The following ELAVL4 variants were observed in gnomAD, a reference collection of about 807,000 sequenced individuals.
ELAVL4 encodes the protein ELAV-like protein 4.
A neutral mutation model predicts 35.6 loss-of-function variants in ELAVL4; 1 was observed. The ratio of observed to expected loss-of-function variants is 0.03; its 90% CI spans 0.01 to 0.13. ELAVL4 has a LOEUF of 0.13. ELAVL4 is among the 10% of genes least tolerant of loss of function. The pLI, the probability that ELAVL4 is intolerant of heterozygous loss-of-function variation, is 1.00. For synonymous variants in ELAVL4, 156 were observed against 171.0 expected, an observed-to-expected ratio of 0.91 and a Z score of 0.69; for missense variants, 267 against 464.9, an observed-to-expected ratio of 0.57 and a Z score of 3.91.
At chr1:50,065,508 T>C (rs1336331136) in intron 1 of ELAVL4, among the ~76,000 whole-genome samples, 1 of 152,192 alleles carries the variant, frequency 6.6e-6, no homozygotes. Flanking sequence ...GGAATAATAA[T>C]ATTTACTGCA....
chr1:50,098,645 C>T lies in ELAVL4; in HGVS notation c.19-46312C>T, dbSNP rs575914440. Among the ~76,000 whole-genome samples, 32 of 152,266 alleles carry T rather than the reference C, an allele frequency of 2.1e-4. No individual in the cohort carries two copies. In the South Asian group the frequency reaches 4.2e-3, roughly 20 times the overall value. On this transcript the variant is annotated intron_variant, in intron 1 of 6. Coordinates refer to the ELAVL4 transcript ENST00000448907. ...AGCTGCTGTTGCTAAGGGGTTGCTA[C>T]GGGAAATGAGCTACTCAGCATTAAT...
intron 1 of ELAVL4, among the ~76,000 whole-genome samples, chr1:50,083,232 A>AT (rs1438424510): frequency 2.6e-5 from 4 of 151,628 alleles, no homozygotes; most frequent in Middle Eastern, 3.4e-3. Flanking sequence ...AATATTTTTT[A>AT]TTTTTTTTAT....
chr1:50,174,473 A>G (rs375313866), intron 2 of ELAVL4: 1 of 146,524 alleles, frequency 6.8e-6, no homozygotes, highest in South Asian at 2.1e-4. Context: ...AATGATGTTC[A>G]TCTGTTTTTT....
At chr1:50,152,534 A>G (rs1031452237) in intron 2 of ELAVL4, among the ~76,000 whole-genome samples, 2 of 152,154 alleles carry the variant, frequency 1.3e-5, no homozygotes, top group African/African-American at 4.8e-5. Flanking sequence ...ATTTCCACAC[A>G]TTATCTAAAA....
At chr1:50,117,143 T>C (rs1446263336) in intron 1 of ELAVL4, among the ~76,000 whole-genome samples, 32 of 152,106 alleles carry the variant, frequency 2.1e-4, no homozygotes, top group Admixed American at 2.1e-3. Flanking sequence ...TAGGTGACTT[T>C]GGGGGAGGAT....
intron 2 of ELAVL4, among the ~76,000 whole-genome samples, chr1:50,159,629 G>A (rs890329025): frequency 6.6e-6 from 1 of 151,868 alleles, no homozygotes; most frequent in East Asian, 1.9e-4. Flanking sequence ...AAAAAAATGG[G>A]GGGCTCTTTT....
intron 2 of ELAVL4, among the ~76,000 whole-genome samples, chr1:50,173,232 C>T (rs1679357163): frequency 6.6e-6 from 1 of 152,132 alleles, no homozygotes; most frequent in South Asian, 2.1e-4. Flanking sequence ...ATTATTATAA[C>T]AGAATAAAGA....
chr1:50,160,102 C>T lies in ELAVL4; in HGVS notation c.250+14905C>T, dbSNP rs553453103. The stretch of plus-strand genomic sequence containing the variant: ...ACTGTCAGGGTGACATTCCATTTTC[C>T]ATTGCCTGGAAGAGCTGAGCCATTA... On this transcript the variant is annotated intron_variant, in intron 2 of 6. Coordinates refer to ENST00000371824, the MANE Select transcript of ELAVL4 (RefSeq NM_001144774.3). Among the ~76,000 whole-genome samples the T allele has an allele frequency of 2.6e-4, 40 of 152,278 alleles. No homozygotes were observed. In the South Asian group the frequency reaches 5.0e-3, roughly 19 times the overall value.
chr1:50,192,749 G>A (rs1345198985), intron 3 of ELAVL4, among the ~76,000 whole-genome samples: 1 of 152,172 alleles, frequency 6.6e-6, no homozygotes, highest in Non-Finnish European at 1.5e-5. Context: ...TAGCAGGAAA[G>A]TGCTTTTGTT....
At chr1:50,118,917 T>C (rs929570146) in intron 1 of ELAVL4, among the ~76,000 whole-genome samples, 2 of 146,064 alleles carry the variant, frequency 1.4e-5, no homozygotes, top group African/African-American at 5.2e-5. Flanking sequence ...CCAAATGCCA[T>C]TTTGCAGGTC....
intron 1 of ELAVL4, among the ~76,000 whole-genome samples, chr1:50,071,882 G>A (rs954932972): frequency 3.9e-5 from 6 of 152,116 alleles, no homozygotes; most frequent in African/African-American, 7.2e-5. Flanking sequence ...GAGAACATAC[G>A]TGATAGCAGT....
chr1:50,143,267 T>G (rs1673127634), intron 1 of ELAVL4, among the ~76,000 whole-genome samples: 1 of 152,208 alleles, frequency 6.6e-6, no homozygotes, highest in African/African-American at 2.4e-5. Flanking sequence ...TTATAGTAAA[T>G]GAAAATGCTT....
chr1:50,066,310 C>T (rs1664264794), intron 1 of ELAVL4, among the ~76,000 whole-genome samples: 1 of 152,192 alleles, frequency 6.6e-6, no homozygotes, highest in Admixed American at 6.5e-5. Flanking sequence ...TAGGCACATA[C>T]TTCTTTTGAA....
intron 1 of ELAVL4, among the ~76,000 whole-genome samples, chr1:50,098,374 G>T (rs1226516297): frequency 1.3e-5 from 2 of 152,102 alleles, no homozygotes; most frequent in African/African-American, 2.4e-5. Context: ...AAAATGAAAA[G>T]TTATGTTTGT....
chr1:50,172,164 C>A (rs889614603), intron 2 of ELAVL4, among the ~76,000 whole-genome samples: 2 of 152,102 alleles, frequency 1.3e-5, no homozygotes, highest in Non-Finnish European at 2.9e-5. Context: ...TTCTCTACTG[C>A]AGCCATCAAC....
At chr1:50,060,633 A>C (rs1274545096) in intron 1 of ELAVL4, among the ~76,000 whole-genome samples, 1 of 152,158 alleles carries the variant, frequency 6.6e-6, no homozygotes, top group Non-Finnish European at 1.5e-5. Context: ...CTCTGTTCTA[A>C]CTACTGCACT....
chr1:50,130,460 G>A (rs1367648581), intron 1 of ELAVL4, among the ~76,000 whole-genome samples: 1 of 152,120 alleles, frequency 6.6e-6, no homozygotes, highest in Non-Finnish European at 1.5e-5. Context: ...TAAGTGAAGT[G>A]ATGTATGTAA....
chr1:50,155,077 G>T (rs1298915043), intron 2 of ELAVL4, among the ~76,000 whole-genome samples: 1 of 151,296 alleles, frequency 6.6e-6, no homozygotes, highest in Non-Finnish European at 1.5e-5. Context: ...CAATATGCAG[G>T]TTAGTTACAT....
At position 50,098,864 on chromosome 1, in the gene ELAVL4, G is replaced by A. The variant is rs1370213490; in HGVS notation, c.19-46093G>A. ...GAAGCATCCTTTCTGGGCATAAGAGGGTTGAAAACTAGACTACCAAGTAGG... is the reference window on the plus strand; with the variant it reads ...GAAGCATCCTTTCTGGGCATAAGAGAGTTGAAAACTAGACTACCAAGTAGG... On this transcript the variant is annotated intron_variant, in intron 1 of 6. Coordinates refer to the ELAVL4 transcript ENST00000448907. 5.6e-4 allele frequency among the ~76,000 whole-genome samples: 85 copies of A among 152,240 alleles called. 1 individual carries two copies. Among genetic ancestry groups the A allele is most frequent in the Non-Finnish European group, 8.8e-5 (6 of 68,022 alleles).
Sources: gnomAD v4.1 joint callset for allele counts (sites outside exome capture counted in the v4.1 genomes callset) on GRCh38, gnomAD v4.1.1 for gene constraint, MANE v1.5 for transcripts, NCBI Gene and HGNC (gene_info 2026-07-23, HGNC 2026-07-21) for gene names.